TRIP12: variants seen among roughly 807,000 people sequenced by gnomAD.
TRIP12 encodes thyroid hormone receptor interactor 12, also known as E3 ubiquitin-protein ligase TRIP12.
TRIP12 carries 25 observed loss-of-function variants against 244.2 expected under a neutral mutation model. The observed-to-expected ratio is 0.10, with a 90% CI of 0.07 to 0.14. The LOEUF is 0.14. Among genes scored for constraint, TRIP12 ranks in the 10% least tolerant of loss-of-function variants. The pLI is 1.00. For synonymous variants in TRIP12, 905 were observed against 873.1 expected (o/e 1.04, Z -0.64); for missense variants, 1,677 against 2,486.4 (o/e 0.67, Z 6.92).
chr2:229,839,096 C>A (rs544754268), intron 5 of TRIP12, among the ~76,000 whole-genome samples: 4 of 152,224 alleles, frequency 2.6e-5, no homozygotes, highest in African/African-American at 9.7e-5. Flanking sequence ...GGACGAACCA[C>A]GTATATGACC....
At position 229,830,826 on chromosome 2, in the gene TRIP12, A is replaced by G. The variant is rs2053149933; in HGVS notation, c.1284T>C (p.Val428=). The change falls in exon 7 of 42, where the codon GTT becomes GTC. Residue 428 remains valine, a synonymous_variant. Transcript: ENST00000675903. ...AGGTGGTCATGCCAACAGCCCCTGC[A>G]ACAGAACTAGAGGCTTGGGGTGGAG... is the stretch of plus-strand genomic sequence containing the variant. The part of the protein sequence containing the change: ...APQGAAASSS[V]AGAVGMTTSG... The G allele has an allele frequency of 9.3e-6, 15 of 1,614,058 alleles. No homozygotes were observed. Among genetic ancestry groups the G allele is most frequent in the Non-Finnish European group, 1.3e-5 (15 of 1,180,006 alleles).
intron 1 of TRIP12, among the ~76,000 whole-genome samples, chr2:229,900,042 T>C (rs1330180954): frequency 1.3e-5 from 2 of 152,346 alleles, no homozygotes; most frequent in Non-Finnish European, 2.9e-5. Context: ...TTAACTGACA[T>C]GGGTTTATTC....
intron 7 of TRIP12, among the ~76,000 whole-genome samples, chr2:229,829,990 C>T (rs1477405926): frequency 2.0e-5 from 3 of 152,008 alleles, no homozygotes; most frequent in East Asian, 1.9e-4. Context: ...CCTGAGAGTC[C>T]GAGTCCTAGA....
intron 34 of TRIP12, among the ~76,000 whole-genome samples, chr2:229,782,650 A>C (rs544042190): frequency 8.5e-5 from 13 of 152,204 alleles, no homozygotes; most frequent in Non-Finnish European, 1.3e-4. Context: ...GAATACTCTT[A>C]GCTTTTTAAA....
rs755629905 is a variant in TRIP12, at chr2:229,908,375, G to A, written c.-50+13505C>T. ...AACTATTCTGAGAAATATCTTGGTA[G>A]TATTTTTACCATATTCTTTATTCCA... is the stretch of plus-strand genomic sequence containing the variant. On this transcript the variant is annotated intron_variant, in intron 1 of 41. Coordinates refer to ENST00000675903, the MANE Select transcript of TRIP12 (RefSeq NM_001348323.3). Among the ~76,000 whole-genome samples the A allele has an allele frequency of 3.7e-4, 56 of 152,306 alleles. 1 individual carries two copies. Among genetic ancestry groups the A allele is most frequent in the Non-Finnish European group, 6.3e-4 (43 of 68,026 alleles).
chr2:229,899,196 C>A (rs142621218), intron 1 of TRIP12, among the ~76,000 whole-genome samples: 8 of 152,270 alleles, frequency 5.3e-5, no homozygotes, highest in African/African-American at 1.9e-4. Context: ...CTCAAGCAAT[C>A]CACCCACCTT....
intron 34 of TRIP12, among the ~76,000 whole-genome samples, chr2:229,785,143 C>T (rs2039594684): frequency 6.6e-6 from 1 of 152,154 alleles, no homozygotes; most frequent in Non-Finnish European, 1.5e-5. Context: ...ACACATGCAA[C>T]ATGGATGAAT....
chr2:229,841,907 A>G (rs1017130134), intron 4 of TRIP12, among the ~76,000 whole-genome samples: 23 of 152,366 alleles, frequency 1.5e-4, no homozygotes, highest in Admixed American at 1.2e-3. Context: ...AACAGTAAAA[A>G]GGATTCTAGA....
chr2:229,887,482 C>A (rs544722918), intron 1 of TRIP12, among the ~76,000 whole-genome samples: 2 of 152,202 alleles, frequency 1.3e-5, no homozygotes, highest in East Asian at 3.9e-4. Context: ...TTAAGACCTA[C>A]AGATAAGGAG....
rs542663581 is a variant in TRIP12 at position 229,859,822 on chromosome 2, A to G, written c.225-248T>C. On this transcript the variant is annotated intron_variant, in intron 3 of 41. Transcript: ENST00000675903. ...TAGCCCAAAGATTACTGACACTAAC[A>G]CTCGTAATCACAAAACAAGAATTAA... 1.4e-4 allele frequency among the ~76,000 whole-genome samples: 22 copies of G among 152,314 alleles called. No homozygotes were observed. The South Asian group carries it at 4.3e-3, about 30-fold the overall frequency.
intron 1 of TRIP12, among the ~76,000 whole-genome samples, chr2:229,906,361 T>C (rs2072806504): frequency 6.6e-6 from 1 of 150,852 alleles, no homozygotes; most frequent in South Asian, 2.1e-4. Context: ...CATGAATCTT[T>C]CTTCATCAGG....
Position 229,765,980 on chromosome 2 carries a change from T to C in TRIP12, c.*1574A>G, listed in dbSNP as rs1011171417. ...CCATATAAGGCCATTTAAGTGTAAA[T>C]TGACACAGCAATCTATGTCAAACAA... On this transcript the variant is annotated 3_prime_UTR_variant, in exon 42 of 42. Coordinates refer to ENST00000675903, the MANE Select transcript of TRIP12 (RefSeq NM_001348323.3). The C allele has an allele frequency of 3.9e-5, 6 of 152,144 alleles. No homozygotes were observed. The highest frequency in any genetic ancestry group is 7.3e-5 in the Non-Finnish European group (5 of 68,038). The allele number at this position is 152,144 out of a possible 1,614,324, so 9.4% of individuals were successfully genotyped here.
At chr2:229,858,715 T>C in intron 4 of TRIP12, 57 bp downstream of exon 4, 1 of 1,463,542 alleles carries the variant, frequency 6.8e-7, no homozygotes, top group Non-Finnish European at 9.2e-7. Flanking sequence ...TAATTGCTTT[T>C]GACAAACCAA....
At chr2:229,907,732 G>C (rs984901411) in intron 1 of TRIP12, among the ~76,000 whole-genome samples, 1 of 152,090 alleles carries the variant, frequency 6.6e-6, no homozygotes, top group Non-Finnish European at 1.5e-5. Context: ...GAGCCCACAA[G>C]TTCGAAGCTG....
At chr2:229,830,623 T>A in intron 7 of TRIP12, 133 bp downstream of exon 7, 2 of 651,224 alleles carry the variant, frequency 3.1e-6, no homozygotes, top group Non-Finnish European at 4.8e-6. Context: ...CTACTAAAAA[T>A]TTTTTTTTCT....
intron 17 of TRIP12, 58 bp downstream of exon 17, chr2:229,807,650 C>G (rs1363860843): frequency 1.3e-6 from 2 of 1,599,612 alleles, no homozygotes; most frequent in South Asian, 1.1e-5. Flanking sequence ...CCCATTCCAT[C>G]CCTACACCCA....
At position 229,844,869 on chromosome 2, in the gene TRIP12, A is replaced by C. The variant is rs117284807; in HGVS notation, c.1028-3942T>G. ...GTACAGAAACCCTTTTTCTGAGTGCACTGCTTATTTATTTTTAAAGTTCTC... is the reference window on the plus strand; with the variant it reads ...GTACAGAAACCCTTTTTCTGAGTGCCCTGCTTATTTATTTTTAAAGTTCTC... On this transcript the variant is annotated intron_variant, in intron 4 of 41. Coordinates refer to ENST00000675903, the MANE Select transcript of TRIP12 (RefSeq NM_001348323.3). 5.8e-3 allele frequency among the ~76,000 whole-genome samples: 890 copies of C among 152,242 alleles called. 13 individuals are homozygous for C. The highest frequency in any genetic ancestry group is 0.058 in the East Asian group (301 of 5,174).
In TRIP12 at chr2:229,778,598, A is replaced by G. The variant is rs752028054; in HGVS notation, c.5210-11T>C. The G allele has an allele frequency of 2.5e-6, 4 of 1,601,838 alleles. No homozygotes were observed. The highest frequency in any genetic ancestry group is 1.7e-5 in the Admixed American group (1 of 57,362). On this transcript the variant is annotated splice_polypyrimidine_tract_variant and intron_variant, in intron 35 of 41. Transcript: ENST00000675903. The surrounding 1 kb of genome is among the most constrained non-coding windows in gnomAD (Gnocchi z 4.1). ...TCCCTTCTTGGCTCCCTGAAAAACA[A>G]GCAATGCAGCAAACTTCAGATGATG...
At chr2:229,860,603 T>C (rs1455404580) in intron 2 of TRIP12, 72 bp from the exon 3 acceptor site, 7 of 1,329,252 alleles carry the variant, frequency 5.3e-6, no homozygotes, top group African/African-American at 1.5e-5. Context: ...AAATGAAATA[T>C]TTTTATATAT....
Sources: allele counts gnomAD v4.1 joint callset (sites outside exome capture counted in the v4.1 genomes callset), GRCh38; gene constraint gnomAD v4.1.1; non-coding constraint Gnocchi (gnomAD v3.1); transcripts MANE v1.5; gene names NCBI Gene and HGNC (gene_info 2026-07-23, HGNC 2026-07-21).